Variants in ARHGAP15 observed in about 807,000 individuals in gnomAD.
ARHGAP15 encodes rho GTPase-activating protein 15.
ARHGAP15 carries 51 observed loss-of-function variants against 63.7 expected under a neutral mutation model. That is an observed-to-expected ratio of 0.80 (90% CI 0.64 to 1.01). ARHGAP15 has a LOEUF of 1.01. Among genes scored for constraint, ARHGAP15 ranks in the 50% least tolerant of loss-of-function variants. The pLI is 0.00. For missense variants in ARHGAP15, 560 were observed against 564.6 expected, an observed-to-expected ratio of 0.99 and a Z score of 0.08; for synonymous variants, 191 against 193.8, an observed-to-expected ratio of 0.99 and a Z score of 0.12.
intron 2 of ARHGAP15, among the ~76,000 whole-genome samples, chr2:143,160,217 C>G (rs1450943189): frequency 6.6e-6 from 1 of 151,946 alleles, no homozygotes; most frequent in African/African-American, 2.4e-5. Flanking sequence ...TAGACACACA[C>G]AAATATAATT....
At chr2:143,308,941 A>G (rs1483420869) in intron 6 of ARHGAP15, among the ~76,000 whole-genome samples, 1 of 143,696 alleles carries the variant, frequency 7.0e-6, no homozygotes, top group Non-Finnish European at 1.5e-5. Context: ...CAGCCAAAAA[A>G]AAAAAAAAAA....
intron 6 of ARHGAP15, among the ~76,000 whole-genome samples, chr2:143,358,807 G>C (rs1443983757): frequency 1.3e-5 from 2 of 151,550 alleles, no homozygotes; most frequent in African/African-American, 2.4e-5. Flanking sequence ...ATGTGTGAAT[G>C]GAGTTCATCA....
chr2:143,132,942 CT>C (rs1286863384), intron 1 of ARHGAP15, among the ~76,000 whole-genome samples: 1 of 152,168 alleles, frequency 6.6e-6, no homozygotes, highest in Non-Finnish European at 1.5e-5. Context: ...CATTTGCCTT[CT>C]AAAAGCTTAT....
chr2:143,155,701 T>C (rs760726159), intron 2 of ARHGAP15, 46 bp downstream of exon 2: 1 of 1,495,566 alleles, frequency 6.7e-7, no homozygotes, highest in East Asian at 2.4e-5. Flanking sequence ...TCATACAGAA[T>C]TTTGTAAAAG....
intron 6 of ARHGAP15, among the ~76,000 whole-genome samples, chr2:143,421,191 G>T (rs1428433609): frequency 1.3e-5 from 2 of 152,096 alleles, no homozygotes; most frequent in African/African-American, 2.4e-5. Context: ...AGAAAACCTA[G>T]AGTCTAAGCC....
intron 5 of ARHGAP15, among the ~76,000 whole-genome samples, chr2:143,233,066 C>T (rs1485958281): frequency 1.3e-5 from 2 of 151,954 alleles, no homozygotes; most frequent in Non-Finnish European, 2.9e-5. Flanking sequence ...TCAATTTATC[C>T]CTTTCTCAAT....
At chr2:143,371,895 A>G (rs575994986) in intron 6 of ARHGAP15, among the ~76,000 whole-genome samples, 18 of 152,062 alleles carry the variant, frequency 1.2e-4, no homozygotes, top group African/African-American at 4.3e-4. Flanking sequence ...ACTTAATTTT[A>G]CTCCTTTGAC....
At chr2:143,552,461 T>C (rs1255132228) in intron 10 of ARHGAP15, among the ~76,000 whole-genome samples, 1 of 152,016 alleles carries the variant, frequency 6.6e-6, no homozygotes, top group East Asian at 1.9e-4. Flanking sequence ...GAATTACTCA[T>C]AACAGCTGCA....
At chr2:143,522,870 C>T (rs994602633) in intron 10 of ARHGAP15, among the ~76,000 whole-genome samples, 9 of 152,108 alleles carry the variant, frequency 5.9e-5, no homozygotes, top group East Asian at 3.8e-4. Context: ...TGTTATAGAA[C>T]ACTTTGTGTA....
chr2:143,229,196 C>T (rs1330384462), intron 5 of ARHGAP15, among the ~76,000 whole-genome samples: 1 of 151,964 alleles, frequency 6.6e-6, no homozygotes, highest in Non-Finnish European at 1.5e-5. Flanking sequence ...TAATAATAAA[C>T]TGTTTATAAA....
At chr2:143,418,602 T>C (rs1688783276) in intron 6 of ARHGAP15, among the ~76,000 whole-genome samples, 1 of 152,096 alleles carries the variant, frequency 6.6e-6, no homozygotes, top group Non-Finnish European at 1.5e-5. Context: ...AGATTTAGGG[T>C]CCTTCAGATG....
At chr2:143,375,452 TCA>T (rs1161967379) in intron 6 of ARHGAP15, among the ~76,000 whole-genome samples, 2 of 152,166 alleles carry the variant, frequency 1.3e-5, no homozygotes, top group African/African-American at 4.8e-5. Context: ...ACCCTGGGAA[TCA>T]CAGTTCTGCC....
intron 8 of ARHGAP15, among the ~76,000 whole-genome samples, chr2:143,474,339 T>C (rs1043622824): frequency 3.9e-5 from 6 of 152,224 alleles, no homozygotes; most frequent in South Asian, 4.1e-4. Context: ...TTTCAGGTTA[T>C]TATGCATAAT....
chr2:143,650,630 T>A (rs1681115840), intron 12 of ARHGAP15, among the ~76,000 whole-genome samples: 1 of 151,940 alleles, frequency 6.6e-6, no homozygotes, highest in Non-Finnish European at 1.5e-5. Context: ...ACCTTTGCCT[T>A]GTTTTGAGGA....
intron 8 of ARHGAP15, among the ~76,000 whole-genome samples, chr2:143,475,423 A>C (rs919261528): frequency 1.3e-5 from 2 of 152,248 alleles, no homozygotes; most frequent in Non-Finnish European, 2.9e-5. Context: ...TGGAGCAAAT[A>C]GCTTAAATCT....
intron 6 of ARHGAP15, among the ~76,000 whole-genome samples, chr2:143,288,533 A>G (rs1046499102): frequency 3.3e-5 from 5 of 152,084 alleles, no homozygotes; most frequent in African/African-American, 9.7e-5. Context: ...TCTTCCTTTT[A>G]GAAACCTCCG....
chr2:143,245,618 C>T (rs1441766705), intron 5 of ARHGAP15, among the ~76,000 whole-genome samples: 1 of 150,116 alleles, frequency 6.7e-6, no homozygotes, highest in Non-Finnish European at 1.5e-5. Flanking sequence ...TTTTCTTCTT[C>T]TTCTTTTTTT....
At chr2:143,452,897 A>T (rs911724933) in intron 8 of ARHGAP15, among the ~76,000 whole-genome samples, 3 of 152,012 alleles carry the variant, frequency 2.0e-5, no homozygotes, top group Non-Finnish European at 4.4e-5. Context: ...TTCCCATTCT[A>T]AAAATATTTG....
At chr2:143,602,782 T>TA (rs1231276168) in intron 11 of ARHGAP15, among the ~76,000 whole-genome samples, 2 of 152,174 alleles carry the variant, frequency 1.3e-5, no homozygotes, top group African/African-American at 4.8e-5. Flanking sequence ...TATTAATACA[T>TA]AAATTAGAAA....
Sources: gnomAD v4.1 joint callset for allele counts (sites outside exome capture counted in the v4.1 genomes callset) on GRCh38, gnomAD v4.1.1 for gene constraint, MANE v1.5 for transcripts, NCBI Gene and HGNC (gene_info 2026-07-23, HGNC 2026-07-21) for gene names.